DHRS2: variants seen among roughly 807,000 people sequenced by gnomAD.
The protein encoded by DHRS2 is dehydrogenase/reductase 2.
DHRS2 carries 29 observed loss-of-function variants against 26.3 expected under a neutral mutation model. The observed-to-expected ratio is 1.10, with a 90% CI of 0.82 to 1.50. The LOEUF is 1.50. DHRS2 is among the 40% of genes most tolerant of loss of function. DHRS2 has a pLI of 0.00. For synonymous variants in DHRS2, 164 were observed against 151.3 expected, an observed-to-expected ratio of 1.08 and a Z score of -0.62; for missense variants, 439 against 367.1, an observed-to-expected ratio of 1.20 and a Z score of -1.60.
rs1594241622 is a variant in DHRS2 at position 23,638,945 on chromosome 14, G to A, written c.81G>A (p.Gly27=). ...ARLSVRMSST[G]IDRKGVLANR... is the part of the protein sequence containing the mutation. ...TTTCTGTGAGGATGAGCAGCACCGG[G>A]ATAGACAGGAAGGGCGTCCTGGCTA... Residue 27 remains glycine, a synonymous_variant, in exon 2 of 9, where the codon GGG becomes GGA. Coordinates refer to ENST00000250383, the MANE Select transcript of DHRS2 (RefSeq NM_005794.4). 6.2e-7 allele frequency: 1 copy of A among 1,614,158 alleles called. No homozygotes were observed. Among genetic ancestry groups the A allele is most frequent in the Non-Finnish European group, 8.5e-7 (1 of 1,180,034 alleles).
chr14:23,639,135 G>A, intron 2 of DHRS2, 44 bp from the exon 3 acceptor site: 1 of 1,605,222 alleles, frequency 6.2e-7, no homozygotes, highest in Non-Finnish European at 8.5e-7. Flanking sequence ...AAGGACAGTG[G>A]AGAGAGGCTG....
upstream of DHRS2, among the ~76,000 whole-genome samples, chr14:23,633,679 C>T (rs1043339412): frequency 6.6e-6 from 1 of 152,168 alleles, no homozygotes; most frequent in Non-Finnish European, 1.5e-5. Context: ...ATTACTGATC[C>T]TCTGCTTCCT....
upstream of DHRS2, among the ~76,000 whole-genome samples, chr14:23,635,769 C>T (rs545837745): frequency 2.0e-5 from 3 of 152,368 alleles, no homozygotes; most frequent in African/African-American, 7.2e-5. Flanking sequence ...AAGGCCGAAG[C>T]CAGCTCCCTC....
At chr14:23,638,725 C>A in intron 1 of DHRS2, 102 bp from the exon 2 acceptor site, 1 of 1,279,446 alleles carries the variant, frequency 7.8e-7, no homozygotes, top group Non-Finnish European at 1.1e-6. Context: ...CTCTCTGCCA[C>A]TTTCTGTTGC....
Position 23,644,469 on chromosome 14 carries a change from T to C in DHRS2, c.601T>C (p.Leu201=), listed in dbSNP as rs144322407. The change falls in exon 7 of 9, where the codon TTG becomes CTG. Residue 201 remains leucine, a synonymous_variant. Coordinates refer to ENST00000250383, the MANE Select transcript of DHRS2 (RefSeq NM_005794.4). ...GCTGGGTCTCACTAGAACACTGGCA[T>C]TGGAGCTGGCCCCCAAGGACATCCG... is the stretch of plus-strand genomic sequence containing the variant. ...ALLGLTRTLA[L]ELAPKDIRVN... 3.2e-5 allele frequency: 52 copies of C among 1,614,084 alleles called. No homozygotes were observed. The Middle Eastern group carries it at 6.6e-4, about 20-fold the overall frequency.
At chr14:23,638,629 T>G (rs1363668260) in intron 1 of DHRS2, 198 bp from the exon 2 acceptor site, 6 of 495,966 alleles carry the variant, frequency 1.2e-5, no homozygotes, top group Non-Finnish European at 2.1e-5. Context: ...GTGAATAATT[T>G]CCCCAGTTTT....
rs142921924 is a variant in DHRS2, at chr14:23,645,267, G to C, written c.*14G>C. The C allele has an allele frequency of 1.2e-6, 2 of 1,613,864 alleles. No individual in the cohort carries two copies. The highest frequency in any genetic ancestry group is 2.7e-5 in the African/African-American group (2 of 74,924). On this transcript the variant is annotated 3_prime_UTR_variant, in exon 9 of 9. Transcript: ENST00000250383. ...ACTCGGCTCTGAGAGGAGTGGGGGC[G>C]GCTGCGTAGCTGTGGTCCCAGGCCC...
intron 4 of DHRS2, chr14:23,642,143 C>T: frequency 5.8e-6 from 6 of 1,033,658 alleles, no homozygotes; most frequent in Non-Finnish European, 7.0e-6. Context: ...CCCAGCATGG[C>T]AATTCTCTGT....
At position 23,641,771 on chromosome 14, in the gene DHRS2, T is replaced by A. The variant is rs530545588; in HGVS notation, c.421-1381T>A. The A allele has an allele frequency of 3.5e-4, 455 of 1,288,352 alleles. 15 individuals are homozygous for A. In the South Asian group the frequency reaches 5.4e-3, roughly 15 times the overall value. The allele number at this position is 1,288,352 out of a possible 1,614,324, so 79.8% of individuals were successfully genotyped here. ...GTCATCAAATGGGCCACAGCAACAT[T>A]CAGCTTAAGTATTTCTCCTTCCCAC... On this transcript the variant is annotated intron_variant, in intron 4 of 8. Coordinates refer to ENST00000250383, the MANE Select transcript of DHRS2 (RefSeq NM_005794.4).
Position 23,639,309 on chromosome 14 carries a change from G to C in DHRS2, c.271G>C (p.Val91Leu), listed in dbSNP as rs1890520525. 1 of 1,592,212 alleles carries C rather than the reference G, an allele frequency of 6.3e-7. No individual in the cohort carries two copies. The highest frequency in any genetic ancestry group is 1.3e-5 in the African/African-American group (1 of 74,326). ...GGAGGGGCTGAGTGTGGCGGGCATTGTGTGCCACGTGGGGAAGGCTGAGGA... is the reference window on the plus strand; with the variant it reads ...GGAGGGGCTGAGTGTGGCGGGCATTCTGTGCCACGTGGGGAAGGCTGAGGA... ...QGEGLSVAGI[V>L]CHVGKAEDRE... Residue 91 changes from valine to leucine, a missense_variant, in exon 3 of 9, where the codon GTG becomes CTG. Transcript: ENST00000250383.
At chr14:23,638,159 T>C (rs1361395130) in intron 1 of DHRS2, 1 of 153,016 alleles carries the variant, frequency 6.5e-6, no homozygotes, top group Non-Finnish European at 1.5e-5. Flanking sequence ...CCAGACGCAC[T>C]GCCTTTAAGA....
rs562008596 is a variant in DHRS2, at chr14:23,638,974, G to A, written c.110G>A (p.Arg37Gln). 122 of 1,613,726 alleles carry A rather than the reference G, an allele frequency of 7.6e-5. No individual in the cohort carries two copies. Among genetic ancestry groups the A allele is most frequent in the African/African-American group, 1.1e-4 (8 of 75,050 alleles). ...GIDRKGVLAN[R>Q]VAVVTGSTSG... Reference sequence around the variant, plus strand: ...GACAGGAAGGGCGTCCTGGCTAACCGGGTAGCCGTGGTCACGGGGTCCACC... The same window carrying A: ...GACAGGAAGGGCGTCCTGGCTAACCAGGTAGCCGTGGTCACGGGGTCCACC... Residue 37 changes from arginine (R) to glutamine (Q), a missense_variant, in exon 2 of 9, where the codon CGG (arginine) becomes CAG (glutamine). Arg to Gln is a conservative substitution (Grantham distance 43). Coordinates refer to ENST00000250383, the MANE Select transcript of DHRS2 (RefSeq NM_005794.4).
Position 23,644,527 on chromosome 14 carries a change from C to G in DHRS2, c.659C>G (p.Thr220Ser). Residue 220 changes from threonine (T) to serine (S), a missense_variant, in exon 7 of 9, where the codon ACT becomes AGT. Coordinates refer to ENST00000250383, the MANE Select transcript of DHRS2 (RefSeq NM_005794.4). ...TGCGTGGTTCCAGGAATTATCAAAA[C>G]TGACTTCAGCAAAGTGGTGAGGATT... Reference protein sequence around the residue: ...VNCVVPGIIKTDFSKVFHGNE... With the variant: ...VNCVVPGIIKSDFSKVFHGNE... 1 of 1,614,242 alleles carries G rather than the reference C, an allele frequency of 6.2e-7. No individual in the cohort carries two copies.
At chr14:23,633,421 C>A (rs1386945583), upstream of DHRS2, among the ~76,000 whole-genome samples, 1 of 152,188 alleles carries the variant, frequency 6.6e-6, no homozygotes, top group Non-Finnish European at 1.5e-5. Flanking sequence ...ACATAGGCAT[C>A]CCTGCTCTCT....
chr14:23,633,234 G>A (rs1302463810), upstream of DHRS2, among the ~76,000 whole-genome samples: 1 of 152,178 alleles, frequency 6.6e-6, no homozygotes, highest in Admixed American at 6.5e-5. Context: ...CCCTTCTGAA[G>A]GGCCTCCTGA....
intron 1 of DHRS2, among the ~76,000 whole-genome samples, chr14:23,630,412 A>G (rs1416231227): frequency 2.0e-5 from 3 of 152,206 alleles, no homozygotes; most frequent in Middle Eastern, 6.8e-3. Flanking sequence ...AGCTCAGTCT[A>G]TTTCTTCTTT....
At chr14:23,643,460 G>T in intron 5 of DHRS2, 1 of 523,648 alleles carries the variant, frequency 1.9e-6, no homozygotes, top group Non-Finnish European at 3.5e-6. Context: ...ACATCAGCAG[G>T]TTTGGGACAA....
At chr14:23,641,598 G>C in intron 4 of DHRS2, 1 of 1,288,456 alleles carries the variant, frequency 7.8e-7, no homozygotes, top group Non-Finnish European at 1.0e-6. Context: ...TATCCTGTGG[G>C]CTGGTTGGGG....
At chr14:23,632,557 G>A (rs1222394598), upstream of DHRS2, among the ~76,000 whole-genome samples, 1 of 152,222 alleles carries the variant, frequency 6.6e-6, no homozygotes, top group Non-Finnish European at 1.5e-5. Flanking sequence ...TTGACACTGA[G>A]TACAGACTGA....
Sources: allele counts gnomAD v4.1 joint callset (sites outside exome capture counted in the v4.1 genomes callset), GRCh38; gene constraint gnomAD v4.1.1; transcripts MANE v1.5; gene names NCBI Gene and HGNC (gene_info 2026-07-23, HGNC 2026-07-21).